The following FRRS1 variants were observed in gnomAD, a reference collection of about 807,000 sequenced individuals.
FRRS1 encodes ferric chelate reductase 1, also known as ferric reductase 1.
In FRRS1, 51 loss-of-function variants were observed where a neutral mutation model predicts 70.7. That is an observed-to-expected ratio of 0.72 (90% CI 0.58 to 0.91). The LOEUF is 0.91. Ranked by LOEUF, FRRS1 falls within the 40% of genes least tolerant of loss-of-function variation. FRRS1 has a pLI of 0.00. For missense variants in FRRS1, 672 were observed against 726.0 expected (o/e 0.93, Z 0.86); for synonymous variants, 225 against 238.7 (o/e 0.94, Z 0.53).
chr1:99,726,893 G>GT (rs923230583), intron 9 of FRRS1, among the ~76,000 whole-genome samples: 4 of 151,756 alleles, frequency 2.6e-5, no homozygotes, highest in East Asian at 1.9e-4. Context: ...TTTTGTTGTT[G>GT]TTTTTTTTGA....
chr1:99,757,663 T>C (rs1250279349), intron 1 of FRRS1, among the ~76,000 whole-genome samples: 1 of 152,236 alleles, frequency 6.6e-6, no homozygotes, highest in Non-Finnish European at 1.5e-5. Flanking sequence ...TTTGTTTTTT[T>C]CTTCCATCAA....
At chr1:99,714,711 G>A (rs1237228361) in intron 12 of FRRS1, among the ~76,000 whole-genome samples, 3 of 152,194 alleles carry the variant, frequency 2.0e-5, no homozygotes, top group Non-Finnish European at 4.4e-5. Flanking sequence ...CATGGGATGT[G>A]CAAGAGAGCA....
At position 99,712,162 on chromosome 1, in the gene FRRS1, T is replaced by A. The variant is rs776383435; in HGVS notation, c.1423A>T (p.Arg475Trp). 2 of 1,605,934 alleles carry A rather than the reference T, an allele frequency of 1.2e-6. No individual in the cohort carries two copies. The highest frequency in any genetic ancestry group is 1.7e-6 in the Non-Finnish European group (2 of 1,173,326). The change falls in exon 14 of 17, where the codon AGG (arginine) becomes TGG (tryptophan). Residue 475 changes from arginine to tryptophan, a missense_variant and splice_region_variant. Physicochemically the swap from Arg to Trp is moderately radical, Grantham distance 101. Coordinates refer to ENST00000646001, the MANE Select transcript of FRRS1 (RefSeq NM_001361041.2). ...CAATGAGTCCAGTTAAACATTTGCCTTCTACCAAAATAAGAACCAGTCAGT... is the reference window on the plus strand; with the variant it reads ...CAATGAGTCCAGTTAAACATTTGCCATCTACCAAAATAAGAACCAGTCAGT... ...VFRPPLHDPRRQMFNWTHWSM... is the reference protein window; with the variant it reads ...VFRPPLHDPRWQMFNWTHWSM...
At position 99,720,834 on chromosome 1, in the gene FRRS1, AACACACACACACAC is replaced by A. The variant is rs57397996; in HGVS notation, c.1007-1201_1007-1188del. Among the ~76,000 whole-genome samples the A allele has an allele frequency of 5.0e-3, 686 of 137,336 alleles. 10 individuals are homozygous for A. Among genetic ancestry groups the A allele is most frequent in the Non-Finnish European group, 4.2e-3 (265 of 63,026 alleles). The allele number at this position is 137,336 out of a possible 152,430, so 90.1% of individuals were successfully genotyped here. ...TTTTATCATCTTAAAAGCATTTCCTAACACACACACACACACACACACACACACACACACACACA... is the reference window on the plus strand; with the variant it reads ...TTTTATCATCTTAAAAGCATTTCCTAACACACACACACACACACACACACA... On this transcript the variant is annotated intron_variant, in intron 9 of 16. Coordinates refer to ENST00000646001, the MANE Select transcript of FRRS1 (RefSeq NM_001361041.2).
At chr1:99,763,675 C>G (rs916528495) in intron 1 of FRRS1, among the ~76,000 whole-genome samples, 1 of 151,978 alleles carries the variant, frequency 6.6e-6, no homozygotes, top group African/African-American at 2.4e-5. Flanking sequence ...TCGAGACCAG[C>G]CTGACCAACA....
chr1:99,710,003 C>T (rs911620558), intron 15 of FRRS1, among the ~76,000 whole-genome samples: 1 of 151,964 alleles, frequency 6.6e-6, no homozygotes, highest in African/African-American at 2.4e-5. Flanking sequence ...AAACAGTAAG[C>T]CATAATTCAG....
intron 9 of FRRS1, among the ~76,000 whole-genome samples, chr1:99,727,515 G>T (rs538273833): frequency 5.3e-5 from 8 of 152,324 alleles, no homozygotes; most frequent in East Asian, 3.9e-4. Context: ...ACATTGAGCA[G>T]ATATTTTATT....
At position 99,748,008 on chromosome 1, in the gene FRRS1, C is replaced by T. The variant is rs1656370065; in HGVS notation, c.196+565G>A. On this transcript the variant is annotated intron_variant, in intron 3 of 16. Transcript: ENST00000646001. Reference sequence around the variant, plus strand: ...ACTGGATGAAAGTAAATACTTGTTTCTTTACTGCAAATTTCTTAGGATATT... The same window carrying T: ...ACTGGATGAAAGTAAATACTTGTTTTTTTACTGCAAATTTCTTAGGATATT... 2.6e-5 allele frequency: 4 copies of T among 152,778 alleles called. No homozygotes were observed. The South Asian group carries it at 8.2e-4, about 31-fold the overall frequency. The allele number at this position is 152,778 out of a possible 1,614,324, so 9.5% of individuals were successfully genotyped here. A position where few individuals can be genotyped will look rare whatever the true frequency, so the allele number is the denominator to read the frequency against.
chr1:99,712,508 C>A lies in FRRS1; in HGVS notation c.1331G>T (p.Gly444Val), dbSNP rs150975134. 42 of 1,593,316 alleles carry A rather than the reference C, an allele frequency of 2.6e-5. No homozygotes were observed. In the East Asian group the frequency reaches 5.4e-4, roughly 20 times the overall value. ...TATACAGCCGAGGTATGGGTGGTAA[C>A]CTGCATGCTAAACAAAGTTACATCA... ...IYRGGWSRHA[G>V]YHPYLGCIVM... Residue 444 changes from glycine to valine, a missense_variant, in exon 13 of 17, where the codon GGT becomes GTT. Physicochemically the swap from Gly to Val is moderately radical, Grantham distance 109. Transcript: ENST00000646001.
At chr1:99,717,376 T>A in intron 11 of FRRS1, 34 bp downstream of exon 11, 1 of 1,249,068 alleles carries the variant, frequency 8.0e-7, no homozygotes, top group Non-Finnish European at 1.2e-6. Flanking sequence ...TCAAATACTA[T>A]GAATATTGCA....
At chr1:99,725,783 C>T (rs1165021883) in intron 9 of FRRS1, among the ~76,000 whole-genome samples, 3 of 152,180 alleles carry the variant, frequency 2.0e-5, no homozygotes, top group African/African-American at 7.2e-5. Context: ...TTCTACATTG[C>T]TAACCTATGA....
At chr1:99,740,355 A>G (rs1655893164) in intron 6 of FRRS1, among the ~76,000 whole-genome samples, 1 of 152,218 alleles carries the variant, frequency 6.6e-6, no homozygotes, top group Non-Finnish European at 1.5e-5. Flanking sequence ...CCTGTAAGTC[A>G]TAAGGTTGCA....
At chr1:99,729,485 G>C (rs1358820528) in intron 8 of FRRS1, among the ~76,000 whole-genome samples, 165 bp downstream of exon 8, 1 of 152,208 alleles carries the variant, frequency 6.6e-6, no homozygotes, top group Non-Finnish European at 1.5e-5. Context: ...GTGTAGAAAA[G>C]TTTCTCAGAA....
Position 99,704,605 on chromosome 1 carries a change from C to T in FRRS1, c.*4423G>A, listed in dbSNP as rs1004051334. Among the ~76,000 whole-genome samples the T allele has an allele frequency of 3.9e-5, 6 of 152,152 alleles. No homozygotes were observed. Among genetic ancestry groups the T allele is most frequent in the African/African-American group, 1.4e-4 (6 of 41,448 alleles). ...GTTGCATTTCCTAAGACCACCCTGG[C>T]TCACCACGCCCCCATCCTGTGCCTA... On this transcript the variant is annotated 3_prime_UTR_variant, in exon 17 of 17. Coordinates refer to ENST00000646001, the MANE Select transcript of FRRS1 (RefSeq NM_001361041.2).
intron 7 of FRRS1, 81 bp from the exon 8 acceptor site, chr1:99,729,829 G>A (rs1185900155): frequency 3.6e-6 from 3 of 838,534 alleles, no homozygotes; most frequent in East Asian, 2.6e-5. Flanking sequence ...AGTACATCAG[G>A]AAACCAAATA....
intron 9 of FRRS1, among the ~76,000 whole-genome samples, chr1:99,726,245 T>C (rs1024708582): frequency 6.6e-6 from 1 of 152,200 alleles, no homozygotes; most frequent in African/African-American, 2.4e-5. Flanking sequence ...TCTGCCATGA[T>C]TGTAAGTTTC....
At chr1:99,712,929 T>C (rs964332459) in intron 12 of FRRS1, among the ~76,000 whole-genome samples, 1 of 152,138 alleles carries the variant, frequency 6.6e-6, no homozygotes, top group Non-Finnish European at 1.5e-5. Flanking sequence ...AGTATTTTAA[T>C]CCACAATTAC....
chr1:99,746,327 G>T (rs1275083344), intron 4 of FRRS1, among the ~76,000 whole-genome samples: 4 of 152,182 alleles, frequency 2.6e-5, no homozygotes, highest in African/African-American at 9.7e-5. Context: ...CATCATGAAA[G>T]TCTGGAAGGA....
intron 1 of FRRS1, among the ~76,000 whole-genome samples, 159 bp downstream of exon 1, chr1:99,766,448 C>G (rs1447058716): frequency 6.6e-6 from 1 of 152,214 alleles, no homozygotes; most frequent in Admixed American, 6.5e-5. Context: ...TAGCTCAATT[C>G]AAGCTCCAGA....
Sources: allele counts gnomAD v4.1 joint callset (sites outside exome capture counted in the v4.1 genomes callset), GRCh38; gene constraint gnomAD v4.1.1; transcripts MANE v1.5; gene names NCBI Gene and HGNC (gene_info 2026-07-23, HGNC 2026-07-21).